The following PTPRD variants were observed in gnomAD, a reference collection of about 807,000 sequenced individuals.
PTPRD encodes protein tyrosine phosphatase receptor type D.
A neutral mutation model predicts 214.5 loss-of-function variants in PTPRD; 34 were observed. That is an observed-to-expected ratio of 0.16 (90% CI 0.12 to 0.21). The LOEUF is 0.21. PTPRD is among the 10% of genes least tolerant of loss of function. PTPRD has a pLI of 1.00. For missense variants in PTPRD, 2,545 were observed against 2,398.7 expected (o/e 1.06, Z -1.27); for synonymous variants, 1,128 against 845.7 (o/e 1.33, Z -5.79).
At chr9:9,038,402 A>G (rs1351878676) in intron 10 of PTPRD, among the ~76,000 whole-genome samples, 1 of 151,892 alleles carries the variant, frequency 6.6e-6, no homozygotes, top group Non-Finnish European at 1.5e-5. Context: ...ACTTCTAAAC[A>G]CCCCCACATA....
chr9:10,438,706 G>C (rs537470336), intron 2 of PTPRD, among the ~76,000 whole-genome samples: 1 of 151,628 alleles, frequency 6.6e-6, no homozygotes. Flanking sequence ...AAAGGAACTG[G>C]CATACTGAAA....
intron 10 of PTPRD, among the ~76,000 whole-genome samples, chr9:9,164,536 A>C (rs1364330017): frequency 6.6e-6 from 1 of 152,192 alleles, no homozygotes; most frequent in East Asian, 1.9e-4. Context: ...GATATCTTGT[A>C]GGAGGGTATT....
intron 3 of PTPRD, among the ~76,000 whole-genome samples, chr9:10,225,953 G>A (rs1204494820): frequency 1.3e-5 from 2 of 151,996 alleles, no homozygotes; most frequent in Admixed American, 1.3e-4. Flanking sequence ...TTTACCTTAT[G>A]CCAGACCTTA....
intron 12 of PTPRD, among the ~76,000 whole-genome samples, chr9:8,679,848 T>A (rs2097516202): frequency 6.6e-6 from 1 of 152,232 alleles, no homozygotes; most frequent in African/African-American, 2.4e-5. Flanking sequence ...ATATGGCATT[T>A]GTGCCTTACA....
chr9:8,467,198 G>C (rs902130671), intron 31 of PTPRD, among the ~76,000 whole-genome samples: 1 of 151,722 alleles, frequency 6.6e-6, no homozygotes, highest in African/African-American at 2.4e-5. Context: ...AGCTGTTTTA[G>C]GAAAACCACG....
chr9:8,427,360 C>T (rs1174000478), intron 35 of PTPRD, among the ~76,000 whole-genome samples: 2 of 152,176 alleles, frequency 1.3e-5, no homozygotes, highest in Non-Finnish European at 2.9e-5. Context: ...ACTCTTTCTT[C>T]TGTTTGCTCC....
chr9:9,152,233 T>A (rs76161018), intron 10 of PTPRD, among the ~76,000 whole-genome samples: 1 of 152,146 alleles, frequency 6.6e-6, no homozygotes, highest in African/African-American at 2.4e-5. Flanking sequence ...CCATGGCATT[T>A]TTCATAGGCA....
chr9:9,475,286 C>T (rs767965213), intron 8 of PTPRD, among the ~76,000 whole-genome samples: 4 of 152,148 alleles, frequency 2.6e-5, no homozygotes, highest in Non-Finnish European at 5.9e-5. Flanking sequence ...TGTACAGCAA[C>T]CATCCAAAAC....
At chr9:9,445,993 T>C (rs2090269742) in intron 8 of PTPRD, among the ~76,000 whole-genome samples, 1 of 152,220 alleles carries the variant, frequency 6.6e-6, no homozygotes. Context: ...TCCATAAAGT[T>C]AATTCAACTG....
intron 5 of PTPRD, among the ~76,000 whole-genome samples, chr9:9,850,471 A>G (rs373069468): frequency 1.3e-5 from 2 of 152,318 alleles, no homozygotes; most frequent in East Asian, 3.9e-4. Flanking sequence ...TTCTGGAGTC[A>G]TGTGATGAAT....
At chr9:10,590,867 G>A (rs1302841107) in intron 2 of PTPRD, among the ~76,000 whole-genome samples, 1 of 150,876 alleles carries the variant, frequency 6.6e-6, no homozygotes, top group Admixed American at 6.6e-5. Flanking sequence ...GTTATATACT[G>A]AAAACTGAAT....
intron 10 of PTPRD, among the ~76,000 whole-genome samples, chr9:9,086,456 A>G (rs965585169): frequency 2.6e-5 from 4 of 152,184 alleles, no homozygotes; most frequent in Non-Finnish European, 5.9e-5. Context: ...TCTGTCTCAC[A>G]TCACCCTTTA....
chr9:9,910,055 T>C (rs1185335351), intron 5 of PTPRD, among the ~76,000 whole-genome samples: 4 of 151,972 alleles, frequency 2.6e-5, no homozygotes, highest in Admixed American at 6.6e-5. Context: ...CAGGTTCAAA[T>C]GCTGGCTCAA....
In PTPRD at chr9:8,471,000, C is replaced by T. The variant is rs2134934166; in HGVS notation, c.3499G>A (p.Asp1167Asn). 1 of 1,612,102 alleles carries T rather than the reference C, an allele frequency of 6.2e-7. No homozygotes were observed. Among genetic ancestry groups the T allele is most frequent in the Non-Finnish European group, 8.5e-7 (1 of 1,178,330 alleles). The part of the protein sequence containing the change: ...PWESPDEMEL[D>N]ELLKEISRKR... ...GCCAACAATGACACAGTTACCTCATCTAATTCCATTTCATCTGGACTCTCC... is the reference window on the plus strand; with the variant it reads ...GCCAACAATGACACAGTTACCTCATTTAATTCCATTTCATCTGGACTCTCC... The change falls in exon 31 of 46, where the codon GAT (aspartate) becomes AAT (asparagine). Residue 1167 changes from aspartate (D) to asparagine (N), a missense_variant. By Grantham distance (23) the Asp-to-Asn change is conservative (BLOSUM62 1). Coordinates refer to ENST00000381196, the MANE Select transcript of PTPRD (RefSeq NM_002839.4).
At chr9:9,111,053 G>C (rs1403476537) in intron 10 of PTPRD, among the ~76,000 whole-genome samples, 1 of 151,946 alleles carries the variant, frequency 6.6e-6, no homozygotes, top group Non-Finnish European at 1.5e-5. Context: ...TCCTCATGGA[G>C]CTGACAGTCC....
chr9:10,130,830 G>A (rs1214697067), intron 3 of PTPRD, among the ~76,000 whole-genome samples: 1 of 152,120 alleles, frequency 6.6e-6, no homozygotes, highest in Non-Finnish European at 1.5e-5. Flanking sequence ...ACGTTAGGCA[G>A]AGGCACTGGA....
chr9:9,662,359 C>G (rs912718996), intron 7 of PTPRD, among the ~76,000 whole-genome samples: 7 of 151,580 alleles, frequency 4.6e-5, no homozygotes, highest in African/African-American at 1.7e-4. Flanking sequence ...ACTTGCATTT[C>G]CTGAAGGAAT....
rs562429790 is a variant in PTPRD at position 8,779,629 on chromosome 9, G to C, written c.-103-45683C>G. On this transcript the variant is annotated intron_variant, in intron 11 of 45. Transcript: ENST00000381196. ...TGCTCCTCTCTCCCTCACACACACA[G>C]AGCCAGAGATGCCACTATCTCCTCA... 3.9e-5 allele frequency among the ~76,000 whole-genome samples: 6 copies of C among 152,168 alleles called. No individual in the cohort carries two copies. The South Asian group carries it at 8.3e-4, about 21-fold the overall frequency.
chr9:8,841,454 G>C (rs1184897291), intron 11 of PTPRD, among the ~76,000 whole-genome samples: 1 of 152,022 alleles, frequency 6.6e-6, no homozygotes, highest in Non-Finnish European at 1.5e-5. Context: ...AAAAAATGTT[G>C]TGTGGGGGAA....
Sources: gnomAD v4.1 joint callset for allele counts (sites outside exome capture counted in the v4.1 genomes callset) on GRCh38, gnomAD v4.1.1 for gene constraint, MANE v1.5 for transcripts, NCBI Gene and HGNC (gene_info 2026-07-23, HGNC 2026-07-21) for gene names.